CAST: variants seen among roughly 807,000 people sequenced by gnomAD.
CAST encodes the protein MIR583 host.
A neutral mutation model predicts 119.6 loss-of-function variants in CAST; 76 were observed. That is an observed-to-expected ratio of 0.64 (90% CI 0.53 to 0.77). The LOEUF is 0.77. Ranked by LOEUF, CAST falls within the 30% of genes least tolerant of loss-of-function variation. CAST has a pLI of 0.00. For missense variants in CAST, 953 were observed against 946.5 expected, an observed-to-expected ratio of 1.01 and a Z score of -0.09; for synonymous variants, 319 against 331.6, an observed-to-expected ratio of 0.96 and a Z score of 0.41.
the CAST span, among the ~76,000 whole-genome samples, chr5:96,037,516 G>T: frequency 6.6e-6 from 1 of 152,084 alleles, no homozygotes; most frequent in Admixed American, 6.6e-5. Context: ...AGAAGAAAAA[G>T]ATTCATTAAC....
chr5:96,057,072 T>A, the CAST span, among the ~76,000 whole-genome samples: 2 of 152,172 alleles, frequency 1.3e-5, no homozygotes, highest in African/African-American at 4.8e-5. Flanking sequence ...AAGTGATGTA[T>A]GGAAGATGGA....
At chr5:96,649,973 A>G (rs950895926) in intron 1 of CAST, among the ~76,000 whole-genome samples, 1 of 152,200 alleles carries the variant, frequency 6.6e-6, no homozygotes, top group African/African-American at 2.4e-5. Flanking sequence ...ATTCTCACAT[A>G]ATCCTTATAG....
At chr5:96,559,546 C>A (rs1254962855) in intron 1 of CAST, among the ~76,000 whole-genome samples, 3 of 152,192 alleles carry the variant, frequency 2.0e-5, no homozygotes, top group African/African-American at 7.2e-5. Context: ...AAATCACAAG[C>A]ATTCTTATAC....
chr5:96,213,121 AAATAAT>A, the CAST span, among the ~76,000 whole-genome samples: 1 of 151,846 alleles, frequency 6.6e-6, no homozygotes, highest in Non-Finnish European at 1.5e-5. Flanking sequence ...GCTATCTCTA[AAATAAT>A]AATAATAATA....
intron 1 of CAST, among the ~76,000 whole-genome samples, chr5:96,559,887 A>G (rs577241917): frequency 6.6e-6 from 1 of 152,298 alleles, no homozygotes; most frequent in South Asian, 2.1e-4. Flanking sequence ...AAAAGAGCCC[A>G]CATTGCCAAG....
chr5:96,267,073 G>C, the CAST span, among the ~76,000 whole-genome samples: 1 of 152,140 alleles, frequency 6.6e-6, no homozygotes, highest in Admixed American at 6.5e-5. Flanking sequence ...GGATCAAGTA[G>C]AGGAAATAAT....
rs184190053 is a variant in CAST, at chr5:96,749,676, A to C, written c.1429-911A>C. 2.5e-3 allele frequency among the ~76,000 whole-genome samples: 378 copies of C among 152,234 alleles called. 6 individuals carry two copies. Among genetic ancestry groups the C allele is most frequent in the African/African-American group, 8.6e-3 (359 of 41,550 alleles). ...ATTCTCTCGCCTCAGCCTCCTGAGTAGCTGAGACTACAGGTGCATGCCACC... is the reference window on the plus strand; with the variant it reads ...ATTCTCTCGCCTCAGCCTCCTGAGTCGCTGAGACTACAGGTGCATGCCACC... On this transcript the variant is annotated intron_variant, in intron 19 of 31. Transcript: ENST00000675179.
chr5:96,073,939 C>T, the CAST span, among the ~76,000 whole-genome samples: 1 of 152,130 alleles, frequency 6.6e-6, no homozygotes, highest in Non-Finnish European at 1.5e-5. Context: ...GAATTATTCT[C>T]CCATCATCCT....
At chr5:96,583,558 T>A (rs1294628972) in intron 1 of CAST, among the ~76,000 whole-genome samples, 1 of 152,172 alleles carries the variant, frequency 6.6e-6, no homozygotes, top group East Asian at 1.9e-4. Flanking sequence ...ATATTGACAC[T>A]ATCAGGCTCT....
chr5:95,974,236 T>G, the CAST span, among the ~76,000 whole-genome samples: 1 of 152,200 alleles, frequency 6.6e-6, no homozygotes, highest in Non-Finnish European at 1.5e-5. Flanking sequence ...GCTGTTATGA[T>G]TCATCCCACT....
At chr5:96,605,172 A>G (rs1747229942) in intron 1 of CAST, among the ~76,000 whole-genome samples, 1 of 152,238 alleles carries the variant, frequency 6.6e-6, no homozygotes, top group Non-Finnish European at 1.5e-5. Flanking sequence ...CACATTGTGT[A>G]TGAAACTCTA....
At chr5:95,991,328 C>T in the CAST span, among the ~76,000 whole-genome samples, 1 of 151,978 alleles carries the variant, frequency 6.6e-6, no homozygotes, top group African/African-American at 2.4e-5. Context: ...TTTAAGATTG[C>T]AGGTTGGCTT....
the CAST span, among the ~76,000 whole-genome samples, chr5:96,433,499 G>C: frequency 6.6e-6 from 1 of 152,176 alleles, no homozygotes; most frequent in Non-Finnish European, 1.5e-5. Flanking sequence ...TCAAAGAGAA[G>C]TGCCCCACTT....
chr5:96,393,010 C>T, the CAST span: 1 of 1,614,132 alleles, frequency 6.2e-7, no homozygotes, highest in African/African-American at 1.3e-5. Context: ...TTTAATTTTC[C>T]TCATTCAGAA....
At chr5:96,609,402 A>T (rs1348770167) in intron 1 of CAST, among the ~76,000 whole-genome samples, 2 of 150,164 alleles carry the variant, frequency 1.3e-5, no homozygotes, top group Non-Finnish European at 3.0e-5. Context: ...GAGATAAACC[A>T]TTTAAAGCGG....
the CAST span, among the ~76,000 whole-genome samples, chr5:96,471,452 A>G: frequency 2.0e-5 from 3 of 152,168 alleles, no homozygotes; most frequent in Non-Finnish European, 2.9e-5. Flanking sequence ...TTTGCATAAC[A>G]TGAATTGAGA....
At chr5:96,165,577 T>C in the CAST span, among the ~76,000 whole-genome samples, 1 of 152,224 alleles carries the variant, frequency 6.6e-6, no homozygotes, top group Non-Finnish European at 1.5e-5. Context: ...TATATCATGC[T>C]ATTTACAAGT....
At chr5:96,208,406 G>A in the CAST span, among the ~76,000 whole-genome samples, 1 of 151,924 alleles carries the variant, frequency 6.6e-6, no homozygotes, top group African/African-American at 2.4e-5. Flanking sequence ...GCCTCAAGGT[G>A]TGATGTTAGG....
chr5:96,410,848 G>A, the CAST span: 1 of 1,614,058 alleles, frequency 6.2e-7, no homozygotes, highest in Non-Finnish European at 8.5e-7. Context: ...GCGTACCAGG[G>A]GGATAGGCCT....
Sources: gnomAD v4.1 joint callset for allele counts (sites outside exome capture counted in the v4.1 genomes callset) on GRCh38, gnomAD v4.1.1 for gene constraint, MANE v1.5 for transcripts, NCBI Gene and HGNC (gene_info 2026-07-23, HGNC 2026-07-21) for gene names.